Variants in LARGE1 observed in about 807,000 individuals in gnomAD.
LARGE1 encodes the protein LARGE xylosyl- and glucuronyltransferase 1.
Under a neutral mutation model 87.6 loss-of-function variants are expected in LARGE1, and 43 were observed. The observed-to-expected ratio is 0.49, with a 90% confidence interval of 0.38 to 0.63. The LOEUF (loss-of-function observed/expected upper bound fraction) is 0.63. Among genes scored for constraint, LARGE1 ranks in the 30% least tolerant of loss-of-function variants. The probability of loss-of-function intolerance (pLI) is 0.00; values close to 1 mark genes in which losing one functional copy is unlikely to be tolerated. For synonymous variants in LARGE1, 434 were observed against 394.6 expected (o/e 1.10, Z -1.18); for missense variants, 802 against 1,000.2 (o/e 0.80, Z 2.67).
the LARGE1 span, among the ~76,000 whole-genome samples, chr22:33,086,309 T>C: frequency 6.6e-6 from 1 of 152,164 alleles, no homozygotes; most frequent in African/African-American, 2.4e-5. Flanking sequence ...AAAATAACTT[T>C]GCTACGAGTT....
At chr22:33,182,796 C>T (rs1045012610) in intron 11 of LARGE1, among the ~76,000 whole-genome samples, 1 of 152,062 alleles carries the variant, frequency 6.6e-6, no homozygotes, top group African/African-American at 2.4e-5. Flanking sequence ...TTATCTGACA[C>T]CATATACAAA....
chr22:33,104,885 C>CTTTCTT, the LARGE1 span, among the ~76,000 whole-genome samples: 1 of 29,478 alleles, frequency 3.4e-5, no homozygotes, highest in African/African-American at 6.0e-5. Context: ...AATAGACTTT[C>CTTTCTT]TCTCTCTTTC....
At chr22:33,675,292 CAAAAAA>C (rs71320987) in intron 2 of LARGE1, among the ~76,000 whole-genome samples, 737 of 32,922 alleles carry the variant, frequency 0.022, 17 homozygotes, top group Middle Eastern at 0.088. Context: ...GAAACTCCAT[CAAAAAA>C]AAAAAAAAAA....
intron 2 of LARGE1, among the ~76,000 whole-genome samples, chr22:33,738,927 C>T (rs1252325726): frequency 6.6e-6 from 1 of 151,002 alleles, no homozygotes; most frequent in African/African-American, 2.4e-5. Flanking sequence ...TCCCTATCCC[C>T]CCCGCATTCT....
Position 33,206,015 on chromosome 22 carries a change from C to T in LARGE1, c.1731-39183G>A, listed in dbSNP as rs185690046. Among the ~76,000 whole-genome samples the T allele has an allele frequency of 4.4e-3, 615 of 139,344 alleles. 4 individuals are homozygous for T. Among genetic ancestry groups the T allele is most frequent in the African/African-American group, 0.016 (576 of 36,786 alleles). The allele number at this position is 139,344 out of a possible 152,430, so 91.4% of individuals were successfully genotyped here. A position where few individuals can be genotyped will look rare whatever the true frequency, so the allele number is the denominator to read the frequency against. On this transcript the variant is annotated intron_variant, in intron 11 of 11. Transcript: ENST00000608642. Reference sequence around the variant, plus strand: ...TGTTGTCCAGGCTGGAGTGCAGTGGCGCGATCTCTGCTCACTGCAAGCTCC... The same window carrying T: ...TGTTGTCCAGGCTGGAGTGCAGTGGTGCGATCTCTGCTCACTGCAAGCTCC...
intron 1 of LARGE1, among the ~76,000 whole-genome samples, chr22:33,824,766 A>C (rs2062733012): frequency 6.6e-6 from 1 of 152,246 alleles, no homozygotes; most frequent in Admixed American, 6.5e-5. Context: ...TCATAGGACT[A>C]TAATGAAAAT....
chr22:33,708,406 G>C (rs2082626587), intron 2 of LARGE1, among the ~76,000 whole-genome samples: 1 of 152,074 alleles, frequency 6.6e-6, no homozygotes. Flanking sequence ...AAGCCCTCCT[G>C]AGTGCCCCTC....
chr22:33,410,729 A>T (rs1483411017), intron 7 of LARGE1, among the ~76,000 whole-genome samples: 1 of 151,978 alleles, frequency 6.6e-6, no homozygotes, highest in Non-Finnish European at 1.5e-5. Flanking sequence ...ACCACTCTCA[A>T]GCACTGAAGG....
intron 11 of LARGE1, among the ~76,000 whole-genome samples, chr22:33,175,145 G>A (rs146406859): frequency 0.011 from 1,709 of 152,126 alleles, 14 homozygotes; most frequent in South Asian, 0.024. Context: ...TGATCAAGTC[G>A]GCTTCACCCC....
At chr22:33,917,284 A>T (rs2065815708) in intron 1 of LARGE1, among the ~76,000 whole-genome samples, 1 of 152,196 alleles carries the variant, frequency 6.6e-6, no homozygotes, top group Non-Finnish European at 1.5e-5. Flanking sequence ...CTCTGGGATC[A>T]GCTTTGATAA....
At chr22:33,691,565 C>T (rs1603167406) in intron 2 of LARGE1, among the ~76,000 whole-genome samples, 1 of 152,238 alleles carries the variant, frequency 6.6e-6, no homozygotes, top group East Asian at 1.9e-4. Flanking sequence ...AGTCAGCAAG[C>T]AAAACGCATG....
chr22:33,618,027 T>G (rs964189213), intron 4 of LARGE1, among the ~76,000 whole-genome samples: 6 of 152,196 alleles, frequency 3.9e-5, no homozygotes, highest in Non-Finnish European at 7.3e-5. Context: ...GCTGAAATAA[T>G]CTTTAATTAT....
At chr22:33,662,642 T>C (rs1367144101) in intron 2 of LARGE1, among the ~76,000 whole-genome samples, 1 of 151,978 alleles carries the variant, frequency 6.6e-6, no homozygotes, top group Non-Finnish European at 1.5e-5. Context: ...TTATCAAAGA[T>C]AAGGGGGACT....
At chr22:33,425,671 C>T (rs1284323266) in intron 7 of LARGE1, among the ~76,000 whole-genome samples, 1 of 152,190 alleles carries the variant, frequency 6.6e-6, no homozygotes, top group Non-Finnish European at 1.5e-5. Flanking sequence ...TAATTTATTT[C>T]CGTAGCTCTA....
chr22:33,506,586 G>A (rs2070777886), intron 6 of LARGE1, among the ~76,000 whole-genome samples: 1 of 152,170 alleles, frequency 6.6e-6, no homozygotes, highest in Non-Finnish European at 1.5e-5. Context: ...TGTCTAGCAG[G>A]CTGCCCACCT....
At chr22:33,129,405 A>C in the LARGE1 span, among the ~76,000 whole-genome samples, 50 of 152,312 alleles carry the variant, frequency 3.3e-4, no homozygotes, top group East Asian at 8.1e-3. Context: ...AAAGGATATG[A>C]AAACTGGTGA....
At chr22:33,797,113 T>G (rs2086011463) in intron 1 of LARGE1, among the ~76,000 whole-genome samples, 1 of 151,858 alleles carries the variant, frequency 6.6e-6, no homozygotes, top group Non-Finnish European at 1.5e-5. Context: ...TTAAAGAGAG[T>G]GGGAGCTTGG....
intron 6 of LARGE1, among the ~76,000 whole-genome samples, chr22:33,558,386 A>T (rs2077756837): frequency 6.6e-6 from 1 of 152,196 alleles, no homozygotes; most frequent in Non-Finnish European, 1.5e-5. Flanking sequence ...ACCAAACTTA[A>T]CCACAGGAGA....
At position 33,599,757 on chromosome 22, in the gene LARGE1, T is replaced by C. The variant is rs145396261; in HGVS notation, c.615+4678A>G. Among the ~76,000 whole-genome samples, 3 of 152,292 alleles carry C rather than the reference T, an allele frequency of 2.0e-5. No individual in the cohort carries two copies. The East Asian group carries it at 5.8e-4, about 29-fold the overall frequency. ...ATTTCCAACAGCTGTACAAAGTGAT[T>C]TCTTGGAGCTGTATCAAGGGAGGCC... On this transcript the variant is annotated intron_variant, in intron 5 of 14. Coordinates refer to ENST00000397394, the MANE Select transcript of LARGE1 (RefSeq NM_133642.5).
Sources: gnomAD v4.1 joint callset for allele counts (sites outside exome capture counted in the v4.1 genomes callset) on GRCh38, gnomAD v4.1.1 for gene constraint, MANE v1.5 for transcripts, NCBI Gene and HGNC (gene_info 2026-07-23, HGNC 2026-07-21) for gene names.